FYN: variants seen among roughly 807,000 people sequenced by gnomAD.
FYN encodes FYN proto-oncogene, Src family tyrosine kinase.
In FYN, 10 loss-of-function variants were observed where a neutral mutation model predicts 70.2. That is an observed-to-expected ratio of 0.14 (90% CI 0.09 to 0.24). The LOEUF is 0.24. Among genes scored for constraint, FYN ranks in the 10% least tolerant of loss-of-function variants. The pLI, the probability that FYN is intolerant of heterozygous loss-of-function variation, is 1.00. For missense variants in FYN, 319 were observed against 673.1 expected (o/e 0.47, Z 5.82); for synonymous variants, 236 against 248.6 (o/e 0.95, Z 0.48).
At chr6:111,830,213 A>G (rs139334628) in intron 2 of FYN, among the ~76,000 whole-genome samples, 1 of 152,302 alleles carries the variant, frequency 6.6e-6, no homozygotes, top group East Asian at 1.9e-4. Flanking sequence ...ATGCCCAACG[A>G]TGGCTTGTTG....
intron 2 of FYN, among the ~76,000 whole-genome samples, chr6:111,842,286 A>G (rs1326404847): frequency 6.6e-6 from 1 of 152,152 alleles, no homozygotes; most frequent in East Asian, 1.9e-4. Context: ...GGGCCTGAGG[A>G]ACAATTCCCG....
chr6:111,692,439 T>C (rs1468480725), intron 12 of FYN, among the ~76,000 whole-genome samples: 2 of 151,912 alleles, frequency 1.3e-5, no homozygotes, highest in Non-Finnish European at 2.9e-5. Context: ...AGCAGCCTGA[T>C]GGGAGGGGAA....
At chr6:111,734,425 C>T (rs1801611400) in intron 3 of FYN, among the ~76,000 whole-genome samples, 1 of 152,112 alleles carries the variant, frequency 6.6e-6, no homozygotes, top group Admixed American at 6.5e-5. Context: ...TAATTTTTTG[C>T]CCTATGGTTT....
chr6:111,700,243 G>A lies in FYN; in HGVS notation c.723C>T (p.Arg241=). ...YSERAAGLCC[R]LVVPCHKGMP... Reference sequence around the variant, plus strand: ...TCCCTTTGTGACAGGGAACTACTAGGCGGCAGCAGAGACCTGCAGCTCTCT... The same window carrying A: ...TCCCTTTGTGACAGGGAACTACTAGACGGCAGCAGAGACCTGCAGCTCTCT... The change falls in exon 9 of 14, where the codon CGC becomes CGT. Residue 241 remains arginine (R), a synonymous_variant. Coordinates refer to ENST00000354650, the MANE Select transcript of FYN (RefSeq NM_002037.5). 1.2e-6 allele frequency: 2 copies of A among 1,614,112 alleles called. No homozygotes were observed. The highest frequency in any genetic ancestry group is 1.7e-6 in the Non-Finnish European group (2 of 1,180,020).
At chr6:111,749,052 C>T (rs986547973) in intron 3 of FYN, among the ~76,000 whole-genome samples, 2 of 152,158 alleles carry the variant, frequency 1.3e-5, no homozygotes, top group Non-Finnish European at 2.9e-5. Context: ...TCTACCCTGA[C>T]CTGCTGGTTA....
At chr6:111,746,189 T>A (rs1802205436) in intron 3 of FYN, among the ~76,000 whole-genome samples, 1 of 152,232 alleles carries the variant, frequency 6.6e-6, no homozygotes, top group African/African-American at 2.4e-5. Flanking sequence ...AGGCATAATT[T>A]ATCCACAGTG....
At chr6:111,793,718 C>G (rs1383638851) in intron 2 of FYN, 1 of 152,390 alleles carries the variant, frequency 6.6e-6, no homozygotes, top group Non-Finnish European at 1.5e-5. Context: ...AGTCTTGGGG[C>G]AGCTTGACCT....
chr6:111,815,760 C>T (rs569238677), intron 2 of FYN, among the ~76,000 whole-genome samples: 39 of 151,094 alleles, frequency 2.6e-4, no homozygotes, highest in African/African-American at 9.5e-4. Context: ...TCTCTGTTGC[C>T]CAGGCTGGAC....
chr6:111,694,813 TGCCATCCACATGGGGGGACAA>T lies in FYN; in HGVS notation c.1043-130_1043-110del. On this transcript the variant is annotated intron_variant, in intron 10 of 13. Transcript: ENST00000354650. This position sits in a 1 kb window ranked among gnomAD's most constrained non-coding sequence, Gnocchi z 5.0. Reference sequence around the variant, plus strand: ...GTAATAAGGTAGTCAAATGGAATAATGCCATCCACATGGGGGGACAAAAAGGTTTATATAAAAAAGCAGGGT... The same window carrying T: ...GTAATAAGGTAGTCAAATGGAATAATAAAGGTTTATATAAAAAAGCAGGGT... The T allele has an allele frequency of 1.1e-6, 1 of 923,896 alleles. No homozygotes were observed. The highest frequency in any genetic ancestry group is 1.6e-6 in the Non-Finnish European group (1 of 609,182). The allele number at this position is 923,896 out of a possible 1,614,324, so 57.2% of individuals were successfully genotyped here.
intron 12 of FYN, among the ~76,000 whole-genome samples, chr6:111,685,525 G>C (rs1404140256): frequency 6.6e-6 from 1 of 152,252 alleles, no homozygotes; most frequent in South Asian, 2.1e-4. Context: ...TCCTTTGGCT[G>C]TAAGAAATGA....
chr6:111,824,998 T>C (rs78570443), intron 2 of FYN, among the ~76,000 whole-genome samples: 1 of 152,360 alleles, frequency 6.6e-6, no homozygotes, highest in East Asian at 1.9e-4. Flanking sequence ...ATTGCAGGCA[T>C]TGCCTCAGAT....
rs35342142 is a variant in FYN at position 111,846,360 on chromosome 6, T to C, written c.-82+229A>G. Among the ~76,000 whole-genome samples the C allele has an allele frequency of 5.6e-3, 850 of 152,262 alleles. 7 individuals are homozygous for C. The highest frequency in any genetic ancestry group is 0.01 in the Middle Eastern group (3 of 294). ...CATATGTTCCCATAAATTACCAGAA[T>C]TGAGTGTTACAACTAAGGGAAGGGA... On this transcript the variant is annotated intron_variant, in intron 2 of 13. Coordinates refer to ENST00000354650, the MANE Select transcript of FYN (RefSeq NM_002037.5).
chr6:111,815,462 C>A (rs919077996), intron 2 of FYN, among the ~76,000 whole-genome samples: 1 of 152,100 alleles, frequency 6.6e-6, no homozygotes, highest in African/African-American at 2.4e-5. Context: ...AATAGCAACA[C>A]AAACAAAATC....
At chr6:111,724,085 C>A (rs1801079140) in intron 3 of FYN, among the ~76,000 whole-genome samples, 1 of 152,202 alleles carries the variant, frequency 6.6e-6, no homozygotes. Flanking sequence ...CCTTTTTCTA[C>A]TAAGCAAATA....
At chr6:111,673,866 C>T (rs1035111299) in intron 13 of FYN, among the ~76,000 whole-genome samples, 2 of 152,104 alleles carry the variant, frequency 1.3e-5, no homozygotes, top group African/African-American at 4.8e-5. Flanking sequence ...CTTTGGAGAG[C>T]ATAAATCTGA....
intron 13 of FYN, among the ~76,000 whole-genome samples, chr6:111,662,500 T>A (rs1268047056): frequency 1.3e-5 from 2 of 152,206 alleles, no homozygotes; most frequent in Non-Finnish European, 2.9e-5. Context: ...CCCTGTTCTA[T>A]ATTATGTATG....
intron 3 of FYN, among the ~76,000 whole-genome samples, chr6:111,752,777 T>A (rs1187959940): frequency 6.6e-6 from 1 of 152,090 alleles, no homozygotes; most frequent in Non-Finnish European, 1.5e-5. Context: ...CCATGCAGAA[T>A]GGCTCTGCCA....
chr6:111,740,465 A>G (rs1192209050), intron 3 of FYN, among the ~76,000 whole-genome samples: 1 of 152,224 alleles, frequency 6.6e-6, no homozygotes, highest in Non-Finnish European at 1.5e-5. Flanking sequence ...GGAAATATAC[A>G]AGTCACAAAA....
intron 2 of FYN, among the ~76,000 whole-genome samples, chr6:111,797,711 T>TATATATAC (rs1554290407): frequency 6.9e-5 from 7 of 101,246 alleles, no homozygotes; most frequent in Non-Finnish European, 1.6e-4. Context: ...TATATATATA[T>TATATATAC]ACACACACAC....
Sources: allele counts gnomAD v4.1 joint callset (sites outside exome capture counted in the v4.1 genomes callset), GRCh38; gene constraint gnomAD v4.1.1; non-coding constraint Gnocchi (gnomAD v3.1); transcripts MANE v1.5; gene names NCBI Gene and HGNC (gene_info 2026-07-23, HGNC 2026-07-21).